The following GRIN2A variants were observed in gnomAD, a reference collection of about 807,000 sequenced individuals.
GRIN2A encodes the protein glutamate receptor ionotropic, NMDA 2A.
In GRIN2A, 22 loss-of-function variants were observed where a neutral mutation model predicts 113.4. The observed-to-expected ratio is 0.19, with a 90% CI of 0.14 to 0.28. GRIN2A has a LOEUF of 0.28. Ranked by LOEUF, GRIN2A falls within the 10% of genes least tolerant of loss-of-function variation. The pLI, the probability that GRIN2A is intolerant of heterozygous loss-of-function variation, is 1.00. For synonymous variants in GRIN2A, 827 were observed against 738.4 expected (o/e 1.12, Z -1.94); for missense variants, 1,502 against 1,887.0 (o/e 0.80, Z 3.78).
Position 10,182,011 on chromosome 16 carries a change from G to C in GRIN2A, c.-153C>G, listed in dbSNP as rs980369115. The C allele has an allele frequency of 1.3e-5, 2 of 152,624 alleles. No homozygotes were observed. Among genetic ancestry groups the C allele is most frequent in the Non-Finnish European group, 2.9e-5 (2 of 68,130 alleles). 9.5% of individuals were successfully genotyped at this position (152,624 alleles called of 1,614,324 possible). A position where few individuals can be genotyped will look rare whatever the true frequency, so the allele number is the denominator to read the frequency against. ...CGCGCTCCCCTGGCTGTCCCGCGCT[G>C]TCCGCATCGCCCCCACGGGGGGCGG... is the stretch of plus-strand genomic sequence containing the variant. On this transcript the variant is annotated 5_prime_UTR_variant, in exon 1 of 13. Transcript: ENST00000330684.
chr16:10,060,945 C>CA (rs1293553314), intron 2 of GRIN2A, among the ~76,000 whole-genome samples: 9 of 152,180 alleles, frequency 5.9e-5, no homozygotes, highest in Admixed American at 3.3e-4. Context: ...GCTGGTTTCC[C>CA]ACCCAATGTC....
At chr16:9,830,747 G>T (rs936855335) in intron 8 of GRIN2A, among the ~76,000 whole-genome samples, 1 of 152,168 alleles carries the variant, frequency 6.6e-6, no homozygotes, top group Non-Finnish European at 1.5e-5. Context: ...GGCTACAGCT[G>T]TACTTATAAT....
chr16:9,939,868 T>G (rs1477728296), intron 2 of GRIN2A, among the ~76,000 whole-genome samples: 1 of 152,156 alleles, frequency 6.6e-6, no homozygotes, highest in Non-Finnish European at 1.5e-5. Context: ...AAAACAGGAT[T>G]TGAGAAGTGC....
chr16:9,920,888 CTTCT>C (rs2044346563), intron 3 of GRIN2A, among the ~76,000 whole-genome samples: 1 of 152,062 alleles, frequency 6.6e-6, no homozygotes, highest in Non-Finnish European at 1.5e-5. Flanking sequence ...TCTTGGTTTC[CTTCT>C]TTCTTTCTAC....
intron 2 of GRIN2A, among the ~76,000 whole-genome samples, chr16:10,000,773 G>A (rs537149044): frequency 1.0e-3 from 152 of 152,220 alleles, no homozygotes; most frequent in Middle Eastern, 6.8e-3. Flanking sequence ...TTCCGCTGCT[G>A]TCTTCATTTA....
intron 2 of GRIN2A, among the ~76,000 whole-genome samples, chr16:10,088,549 C>T (rs150629569): frequency 3.3e-5 from 5 of 152,178 alleles, no homozygotes; most frequent in Non-Finnish European, 4.4e-5. Flanking sequence ...ATCCTGGGGC[C>T]GCGGGCTGTC....
At chr16:9,888,033 C>T (rs1296428722) in intron 4 of GRIN2A, among the ~76,000 whole-genome samples, 3 of 152,188 alleles carry the variant, frequency 2.0e-5, no homozygotes, top group African/African-American at 2.4e-5. Flanking sequence ...CTCCACCTCC[C>T]GGATTCAAGT....
At chr16:10,138,274 CTG>C (rs2049244736) in intron 2 of GRIN2A, among the ~76,000 whole-genome samples, 1 of 152,170 alleles carries the variant, frequency 6.6e-6, no homozygotes, top group East Asian at 1.9e-4. Context: ...AACTGTGAGA[CTG>C]TATTGGTTCA....
chr16:9,808,757 ACTACGT>A, intron 10 of GRIN2A, among the ~76,000 whole-genome samples: 1 of 152,258 alleles, frequency 6.6e-6, no homozygotes, highest in African/African-American at 2.4e-5. Flanking sequence ...AAATAAATTG[ACTACGT>A]AAGTTTGAAG....
chr16:10,107,723 G>T (rs933258505), intron 2 of GRIN2A, among the ~76,000 whole-genome samples: 1 of 152,226 alleles, frequency 6.6e-6, no homozygotes, highest in Non-Finnish European at 1.5e-5. Context: ...CCTGAGACAA[G>T]CAAGGGCCAG....
chr16:10,111,610 G>A (rs117468730), intron 2 of GRIN2A: 23,105 of 1,201,908 alleles, frequency 0.019, 303 homozygotes, highest in South Asian at 0.041. Flanking sequence ...GACAGAGGCC[G>A]ACATGGCCAT....
At chr16:10,101,688 G>T (rs1292404910) in intron 2 of GRIN2A, among the ~76,000 whole-genome samples, 1 of 152,202 alleles carries the variant, frequency 6.6e-6, no homozygotes, top group East Asian at 1.9e-4. Flanking sequence ...GAAAACCTGG[G>T]CTGTCAGTCT....
intron 10 of GRIN2A, among the ~76,000 whole-genome samples, chr16:9,820,045 G>A (rs558712757): frequency 1.3e-5 from 2 of 151,186 alleles, no homozygotes; most frequent in East Asian, 3.9e-4. Flanking sequence ...TCTGCCATCT[G>A]CCCACGTTTT....
At chr16:10,096,539 AACACACACACACACAC>A in intron 2 of GRIN2A, among the ~76,000 whole-genome samples, 1 of 137,754 alleles carries the variant, frequency 7.3e-6, no homozygotes, top group Non-Finnish European at 1.6e-5. Flanking sequence ...ATTGTGGTAA[AACACACACACACACAC>A]ACACACACAC....
chr16:10,016,951 T>A (rs1250692610), intron 2 of GRIN2A, among the ~76,000 whole-genome samples: 2 of 152,178 alleles, frequency 1.3e-5, no homozygotes. Context: ...CACTGGAAAA[T>A]GGCCCCAGGC....
At chr16:9,771,403 G>C (rs970693248) in intron 11 of GRIN2A, among the ~76,000 whole-genome samples, 1 of 151,668 alleles carries the variant, frequency 6.6e-6, no homozygotes, top group Non-Finnish European at 1.5e-5. Context: ...TATTTTAATT[G>C]TGATATTCAT....
intron 3 of GRIN2A, among the ~76,000 whole-genome samples, chr16:9,934,163 A>G (rs757187446): frequency 6.6e-6 from 1 of 152,294 alleles, no homozygotes; most frequent in South Asian, 2.1e-4. Flanking sequence ...CCTATGATGA[A>G]TATCGGGTTG....
At chr16:9,993,688 A>G (rs1010549060) in intron 2 of GRIN2A, among the ~76,000 whole-genome samples, 8 of 152,322 alleles carry the variant, frequency 5.3e-5, no homozygotes, top group African/African-American at 1.9e-4. Flanking sequence ...AAACAAAGAC[A>G]CAGAGGAAAT....
intron 2 of GRIN2A, among the ~76,000 whole-genome samples, chr16:10,172,442 G>A (rs2050060847): frequency 6.6e-6 from 1 of 152,240 alleles, no homozygotes; most frequent in Non-Finnish European, 1.5e-5. Context: ...AGCAGCCCCT[G>A]GAAGAGCTAC....
Sources: gnomAD v4.1 joint callset for allele counts (sites outside exome capture counted in the v4.1 genomes callset) on GRCh38, gnomAD v4.1.1 for gene constraint, MANE v1.5 for transcripts, NCBI Gene and HGNC (gene_info 2026-07-23, HGNC 2026-07-21) for gene names.